Variants in THSD7B observed in about 807,000 individuals in gnomAD.
THSD7B encodes the protein thrombospondin type-1 domain-containing protein 7B.
THSD7B carries 138 observed loss-of-function variants against 213.6 expected under a neutral mutation model. The observed-to-expected ratio is 0.65, with a 90% CI of 0.56 to 0.74. The LOEUF (loss-of-function observed/expected upper bound fraction) is 0.74, where lower values mean the gene tolerates loss of function less well. THSD7B is among the 30% of genes least tolerant of loss of function. The pLI, the probability that THSD7B is intolerant of heterozygous loss-of-function variation, is 0.00. For synonymous variants in THSD7B, 742 were observed against 687.0 expected, an observed-to-expected ratio of 1.08 and a Z score of -1.25; for missense variants, 1,931 against 1,991.5, an observed-to-expected ratio of 0.97 and a Z score of 0.58.
chr2:137,238,534 C>CATCTTTCTT, intron 9 of THSD7B, among the ~76,000 whole-genome samples: 1 of 51,846 alleles, frequency 1.9e-5, no homozygotes, highest in Non-Finnish European at 3.5e-5. Context: ...ACTCATCTTT[C>CATCTTTCTT]TTTTTTTTTT....
At chr2:137,305,076 C>T (rs1219720332) in intron 12 of THSD7B, among the ~76,000 whole-genome samples, 1 of 152,078 alleles carries the variant, frequency 6.6e-6, no homozygotes, top group Non-Finnish European at 1.5e-5. Flanking sequence ...GGTTATTTTT[C>T]AGGATCCCTG....
Position 137,350,181 on chromosome 2 carries a change from ATAGTC to A in THSD7B, c.2501-55431_2501-55427del, listed in dbSNP as rs1280667941. On this transcript the variant is annotated intron_variant, in intron 12 of 27. Coordinates refer to ENST00000409968, the MANE Select transcript of THSD7B (RefSeq NM_001316349.2). ...AGTTGTATGTTAAATATTTATTAAA[ATAGTC>A]AAGTCATGTTCTGATAAGCATTACA... 2.6e-5 allele frequency among the ~76,000 whole-genome samples: 4 copies of A among 151,882 alleles called. No homozygotes were observed. In the East Asian group the frequency reaches 7.7e-4, roughly 29 times the overall value.
At chr2:137,241,402 C>T (rs1681897977) in intron 9 of THSD7B, among the ~76,000 whole-genome samples, 2 of 152,186 alleles carry the variant, frequency 1.3e-5, no homozygotes, top group Admixed American at 6.5e-5. Flanking sequence ...CAAACAAAAA[C>T]TCTCTTGCTA....
At chr2:137,602,110 A>C (rs953737587) in intron 17 of THSD7B, among the ~76,000 whole-genome samples, 25 of 152,286 alleles carry the variant, frequency 1.6e-4, no homozygotes, top group African/African-American at 5.8e-4. Context: ...AATCCAAATT[A>C]TCCTTCAAAT....
chr2:137,262,230 C>T (rs1009646575), intron 10 of THSD7B, among the ~76,000 whole-genome samples: 3 of 152,064 alleles, frequency 2.0e-5, no homozygotes, highest in Admixed American at 6.6e-5. Flanking sequence ...ATATTCATGC[C>T]TAATATTGGT....
intron 5 of THSD7B, among the ~76,000 whole-genome samples, chr2:137,149,393 A>G (rs1421745835): frequency 6.6e-6 from 1 of 152,114 alleles, no homozygotes. Flanking sequence ...ACTGCCTAGT[A>G]GAGCTGTGAG....
rs1436387931 is a variant in THSD7B at position 137,095,008 on chromosome 2, G to A, written c.1086G>A (p.Arg362=). Residue 362 remains arginine, a synonymous_variant, in exon 4 of 28, where the codon AGG becomes AGA. Transcript: ENST00000409968. ...CRSGSLLPGF[R]SRSRNVKHMA... ...CAGGGAGTCTCTTGCCAGGATTTAG[G>A]AGCAGGAGCCGGAACGTGAAGCACA... 2 of 1,613,864 alleles carry A rather than the reference G, an allele frequency of 1.2e-6. No individual in the cohort carries two copies. Among genetic ancestry groups the A allele is most frequent in the Non-Finnish European group, 1.7e-6 (2 of 1,179,860 alleles).
intron 14 of THSD7B, 82 bp from the exon 15 acceptor site, chr2:137,450,763 A>C: frequency 1.7e-6 from 2 of 1,152,954 alleles, no homozygotes; most frequent in Non-Finnish European, 2.4e-6. Flanking sequence ...GAAAAAATCC[A>C]AACTGTGATC....
chr2:137,615,072 G>A (rs895573047), intron 17 of THSD7B, among the ~76,000 whole-genome samples: 7 of 152,062 alleles, frequency 4.6e-5, no homozygotes, highest in African/African-American at 1.7e-4. Context: ...CATGTTTAAT[G>A]GTATTTGTTG....
intron 15 of THSD7B, among the ~76,000 whole-genome samples, chr2:137,508,532 A>G (rs775925577): frequency 1.6e-4 from 22 of 141,166 alleles, no homozygotes; most frequent in Admixed American, 2.9e-4. Flanking sequence ...GCCTGCCACC[A>G]TGCCCGGCTA....
intron 21 of THSD7B, among the ~76,000 whole-genome samples, chr2:137,647,291 G>A (rs1683051173): frequency 6.6e-6 from 1 of 152,170 alleles, no homozygotes; most frequent in Non-Finnish European, 1.5e-5. Context: ...CAGTTTTCAA[G>A]TGCATAGTTG....
At chr2:137,335,540 C>T (rs1684620864) in intron 12 of THSD7B, among the ~76,000 whole-genome samples, 1 of 152,114 alleles carries the variant, frequency 6.6e-6, no homozygotes, top group South Asian at 2.1e-4. Context: ...AATTAATACC[C>T]TATGCTCACA....
chr2:137,187,861 T>G (rs12990248), intron 7 of THSD7B, among the ~76,000 whole-genome samples: 7,013 of 152,266 alleles, frequency 0.046, 199 homozygotes, highest in Admixed American at 0.069. Flanking sequence ...TTATTTTTAA[T>G]TTTTGTTCCA....
At chr2:137,160,866 C>T (rs1680006765) in intron 6 of THSD7B, among the ~76,000 whole-genome samples, 1 of 152,154 alleles carries the variant, frequency 6.6e-6, no homozygotes, top group South Asian at 2.1e-4. Flanking sequence ...TCGTGATCTG[C>T]CCACGTCAGT....
intron 12 of THSD7B, among the ~76,000 whole-genome samples, chr2:137,364,060 A>G (rs902653427): frequency 6.6e-6 from 1 of 152,250 alleles, no homozygotes; most frequent in Non-Finnish European, 1.5e-5. Context: ...ATTTGGCTTC[A>G]TCCCTGGAAT....
intron 2 of THSD7B, among the ~76,000 whole-genome samples, chr2:136,909,196 G>A (rs568096389): frequency 6.6e-6 from 1 of 152,114 alleles, no homozygotes; most frequent in South Asian, 2.1e-4. Flanking sequence ...AAAAAGGTGG[G>A]CCTCCTAGAA....
intron 7 of THSD7B, among the ~76,000 whole-genome samples, chr2:137,194,332 C>T (rs1276297348): frequency 6.6e-6 from 1 of 152,102 alleles, no homozygotes; most frequent in Non-Finnish European, 1.5e-5. Context: ...AAAGCTGCCA[C>T]AAGGGAAAAA....
chr2:136,921,205 A>G (rs890590852), intron 2 of THSD7B, among the ~76,000 whole-genome samples: 9 of 144,604 alleles, frequency 6.2e-5, no homozygotes, highest in African/African-American at 2.1e-4. Context: ...CATCACTGCC[A>G]TCATCTGGAC....
intron 2 of THSD7B, among the ~76,000 whole-genome samples, chr2:136,940,805 G>T (rs1158846455): frequency 1.4e-5 from 2 of 147,060 alleles, no homozygotes; most frequent in Admixed American, 1.4e-4. Context: ...TTTGTTAAGG[G>T]TAGTTTTTTT....
Sources: allele counts gnomAD v4.1 joint callset (sites outside exome capture counted in the v4.1 genomes callset), GRCh38; gene constraint gnomAD v4.1.1; transcripts MANE v1.5; gene names NCBI Gene and HGNC (gene_info 2026-07-23, HGNC 2026-07-21).